Variants in ZNF782 observed in about 807,000 individuals in gnomAD.
ZNF782 encodes the protein zinc finger protein 782.
ZNF782 carries 12 observed loss-of-function variants against 13.0 expected under a neutral mutation model. That is an observed-to-expected ratio of 0.92 (90% CI 0.59 to 1.50). The LOEUF is 1.50. ZNF782 is among the 40% of genes most tolerant of loss of function. The pLI, the probability that ZNF782 is intolerant of heterozygous loss-of-function variation, is 0.00. For synonymous variants in ZNF782, 284 were observed against 283.0 expected (o/e 1.00, Z -0.04); for missense variants, 770 against 822.9 (o/e 0.94, Z 0.79).
At chr9:96,830,179 T>C (rs1327343177) in intron 4 of ZNF782, among the ~76,000 whole-genome samples, 1 of 152,228 alleles carries the variant, frequency 6.6e-6, no homozygotes, top group Admixed American at 6.5e-5. Flanking sequence ...ACAACGACTG[T>C]TCTTAATTCA....
intron 3 of ZNF782, among the ~76,000 whole-genome samples, chr9:96,847,201 T>C (rs1232169145): frequency 3.3e-5 from 5 of 152,162 alleles, no homozygotes; most frequent in Admixed American, 2.0e-4. Flanking sequence ...GAAAAGTTTA[T>C]AGTGTTAAAT....
intron 4 of ZNF782, among the ~76,000 whole-genome samples, chr9:96,828,029 C>T (rs968646122): frequency 2.0e-5 from 3 of 152,020 alleles, no homozygotes; most frequent in East Asian, 1.9e-4. Context: ...TAAATGCCAG[C>T]GAAGAAAGAG....
chr9:96,930,872 G>GTTTTTTTTTTTTTTTTTTTTTTTTTT, the ZNF782 span, among the ~76,000 whole-genome samples: 3 of 72,656 alleles, frequency 4.1e-5, 1 homozygote, highest in Admixed American at 4.1e-4. Context: ...CCATCCAGTG[G>GTTTTTTTTTTTTTTTTTTTTTTTTTT]TTTTTTTTTT....
intron 1 of ZNF782, among the ~76,000 whole-genome samples, chr9:96,875,316 C>T (rs749956262): frequency 7.9e-4 from 121 of 152,220 alleles, no homozygotes; most frequent in Non-Finnish European, 1.4e-3. Context: ...CTGTCACTTA[C>T]TCAGGGTTTA....
intron 1 of ZNF782, among the ~76,000 whole-genome samples, chr9:96,872,962 A>G (rs562793251): frequency 6.6e-6 from 1 of 152,324 alleles, no homozygotes; most frequent in Admixed American, 6.5e-5. Context: ...AAAAAGTGGA[A>G]GTACAGAAAG....
the ZNF782 span, among the ~76,000 whole-genome samples, chr9:96,929,794 C>T: frequency 4.6e-5 from 7 of 152,210 alleles, no homozygotes; most frequent in Admixed American, 2.0e-4. Flanking sequence ...GCTCGTGGCC[C>T]GTCCTCTGTA....
chr9:96,865,277 C>T (rs1006326877), intron 1 of ZNF782, among the ~76,000 whole-genome samples: 1 of 151,944 alleles, frequency 6.6e-6, no homozygotes, highest in African/African-American at 2.4e-5. Flanking sequence ...CTTGAATTCC[C>T]ACATGTTATG....
intron 1 of ZNF782, chr9:96,875,432 C>T (rs1194565447): frequency 6.6e-6 from 3 of 456,180 alleles, no homozygotes; most frequent in South Asian, 4.6e-5. Context: ...AGGCGAGAAA[C>T]CTCTTACCCG....
chr9:96,922,849 C>T, the ZNF782 span, among the ~76,000 whole-genome samples: 1 of 151,232 alleles, frequency 6.6e-6, no homozygotes, highest in African/African-American at 2.4e-5. Flanking sequence ...TACGAAGAAA[C>T]ACATCTTACT....
chr9:96,923,144 A>G, the ZNF782 span, among the ~76,000 whole-genome samples: 10 of 148,484 alleles, frequency 6.7e-5, no homozygotes, highest in Admixed American at 6.7e-4. Flanking sequence ...ATAGCTCCAC[A>G]AAACATTCAT....
rs146058964 is a variant in ZNF782 at position 96,819,061 on chromosome 9, C to T, written c.962G>A (p.Arg321His). Residue 321 changes from arginine to histidine, a missense_variant, in exon 6 of 6, where the codon CGT (arginine) becomes CAT (histidine). Transcript: ENST00000481138. ...KPFEYGKSFN[R>H]NSTLPVHQRT... Reference sequence around the variant, plus strand: ...CTGATGCACTGGGAGGGTTGAATTACGGTTGAAACTTTTTCCATATTCAAA... The same window carrying T: ...CTGATGCACTGGGAGGGTTGAATTATGGTTGAAACTTTTTCCATATTCAAA... The T allele has an allele frequency of 6.7e-3, 10,786 of 1,614,118 alleles. 49 individuals carry two copies. The highest frequency in any genetic ancestry group is 0.022 in the Middle Eastern group (132 of 6,062).
At chr9:96,885,157 A>T in the ZNF782 span, among the ~76,000 whole-genome samples, 1 of 152,210 alleles carries the variant, frequency 6.6e-6, no homozygotes, top group Non-Finnish European at 1.5e-5. Context: ...CAAGAAAAAA[A>T]TAACAGATAC....
the ZNF782 span, among the ~76,000 whole-genome samples, chr9:96,908,018 C>G: frequency 1.2e-4 from 18 of 151,906 alleles, no homozygotes; most frequent in Admixed American, 9.8e-4. Context: ...TAGCTATAAA[C>G]AGAACTACTA....
chr9:96,878,243 T>C (rs774816767), upstream of ZNF782, among the ~76,000 whole-genome samples: 1 of 152,192 alleles, frequency 6.6e-6, no homozygotes, highest in Non-Finnish European at 1.5e-5. Context: ...AGAGACAGGG[T>C]TTCACCATGT....
chr9:96,888,196 A>G, the ZNF782 span: 1 of 152,164 alleles, frequency 6.6e-6, no homozygotes, highest in Non-Finnish European at 1.5e-5. Flanking sequence ...AAGAAAATGA[A>G]AAGCATTAAA....
At chr9:96,862,784 G>A (rs942272830) in intron 1 of ZNF782, among the ~76,000 whole-genome samples, 29 of 152,278 alleles carry the variant, frequency 1.9e-4, no homozygotes, top group East Asian at 1.2e-3. Context: ...TACAGTTTTC[G>A]TCACTGTATA....
At chr9:96,845,980 T>C (rs1331371610) in intron 3 of ZNF782, among the ~76,000 whole-genome samples, 1 of 152,118 alleles carries the variant, frequency 6.6e-6, no homozygotes. Context: ...AAAGGAAAAC[T>C]TAACAGACTA....
At chr9:96,897,050 T>C in the ZNF782 span, among the ~76,000 whole-genome samples, 1 of 152,166 alleles carries the variant, frequency 6.6e-6, no homozygotes, top group African/African-American at 2.4e-5. Flanking sequence ...AGCCATAAAG[T>C]TAGGCGTGCA....
Position 96,824,471 on chromosome 9 carries a change from A to G in ZNF782, c.244+2609T>C, listed in dbSNP as rs1588149377. On this transcript the variant is annotated intron_variant, in intron 5 of 5. Transcript: ENST00000481138. ...TCATACTGAATGGGCAAAAACTGGA[A>G]GCATTCCCTTTGAAAACTGGCACAA... Among the ~76,000 whole-genome samples, 4 of 151,762 alleles carry G rather than the reference A, an allele frequency of 2.6e-5. No homozygotes were observed. In the South Asian group the frequency reaches 6.3e-4, roughly 24 times the overall value.
Sources: allele counts gnomAD v4.1 joint callset (sites outside exome capture counted in the v4.1 genomes callset), GRCh38; gene constraint gnomAD v4.1.1; transcripts MANE v1.5; gene names NCBI Gene and HGNC (gene_info 2026-07-23, HGNC 2026-07-21).